Variants in NFILZ observed in about 807,000 individuals in gnomAD.
NFILZ encodes the protein NFIL3 like protein.
At chr19:8,653,322 C>G (rs1236076169) in intron 3 of NFILZ, among the ~76,000 whole-genome samples, 14 of 152,082 alleles carry the variant, frequency 9.2e-5, no homozygotes, top group Admixed American at 8.5e-4. Context: ...CTCAGTTGAT[C>G]TGCCCACCTT....
At chr19:8,631,919 C>T (rs1235682341) in intron 1 of NFILZ, among the ~76,000 whole-genome samples, 1 of 150,674 alleles carries the variant, frequency 6.6e-6, no homozygotes, top group African/African-American at 2.4e-5. Flanking sequence ...GCCCAGGCTG[C>T]AATGCAGTGG....
intron 3 of NFILZ, among the ~76,000 whole-genome samples, chr19:8,639,387 G>C (rs1357614853): frequency 6.6e-6 from 1 of 151,976 alleles, no homozygotes; most frequent in Non-Finnish European, 1.5e-5. Flanking sequence ...GACCAGCCTG[G>C]GCAACATAGC....
At chr19:8,639,640 T>C (rs1555746463) in intron 3 of NFILZ, among the ~76,000 whole-genome samples, 1 of 151,986 alleles carries the variant, frequency 6.6e-6, no homozygotes, top group Non-Finnish European at 1.5e-5. Flanking sequence ...ACTCAAGCTT[T>C]TACCCTGGGA....
rs1027667777 is a variant in NFILZ, at chr19:8,680,709, G to A, written c.*3074G>A. On this transcript the variant is annotated 3_prime_UTR_variant, in exon 6 of 6. Coordinates refer to ENST00000691075, the MANE Select transcript of NFILZ (RefSeq NM_001378600.1). ...GCTTGGGAAAGGTAGGTGTGGGTGCGTTGTAATAATTGAAATAGGGAGATC... is the reference window on the plus strand; with the variant it reads ...GCTTGGGAAAGGTAGGTGTGGGTGCATTGTAATAATTGAAATAGGGAGATC... Among the ~76,000 whole-genome samples the A allele has an allele frequency of 6.6e-5, 10 of 152,198 alleles. No homozygotes were observed. Among genetic ancestry groups the A allele is most frequent in the East Asian group, 1.9e-4 (1 of 5,196 alleles).
chr19:8,645,934 T>C (rs963485604), intron 3 of NFILZ, among the ~76,000 whole-genome samples: 5 of 152,182 alleles, frequency 3.3e-5, no homozygotes, highest in Non-Finnish European at 7.3e-5. Flanking sequence ...GTAATTGTGG[T>C]TTTTGCCATT....
intron 3 of NFILZ, among the ~76,000 whole-genome samples, chr19:8,645,222 C>T (rs782817199): frequency 5.3e-5 from 8 of 151,974 alleles, no homozygotes; most frequent in Non-Finnish European, 1.0e-4. Context: ...CAGCCTCAAA[C>T]TCCTGGGCTC....
intron 3 of NFILZ, among the ~76,000 whole-genome samples, chr19:8,654,662 G>T (rs2042984280): frequency 1.3e-5 from 2 of 152,136 alleles, no homozygotes; most frequent in South Asian, 4.1e-4. Context: ...AAAATTAAAA[G>T]AAAAAGAAAA....
At chr19:8,645,924 G>C (rs114302903) in intron 3 of NFILZ, among the ~76,000 whole-genome samples, 1,775 of 152,262 alleles carry the variant, frequency 0.012, 37 homozygotes, top group African/African-American at 0.041. Flanking sequence ...TGATGCAAAA[G>C]TAATTGTGGT....
chr19:8,647,793 GCGCACACA>G (rs1320957698), intron 3 of NFILZ, among the ~76,000 whole-genome samples: 1,748 of 69,426 alleles, frequency 0.025, 30 homozygotes, highest in African/African-American at 0.079. Flanking sequence ...GCGCGCGCGC[GCGCACACA>G]CACACACACA....
chr19:8,662,566 T>C (rs929659224), intron 3 of NFILZ, among the ~76,000 whole-genome samples: 1 of 151,438 alleles, frequency 6.6e-6, no homozygotes, highest in Non-Finnish European at 1.5e-5. Flanking sequence ...GTTGCAGTTG[T>C]CCAGTTACGT....
chr19:8,660,840 A>G (rs532619766), intron 3 of NFILZ, among the ~76,000 whole-genome samples: 55 of 150,428 alleles, frequency 3.7e-4, no homozygotes, highest in African/African-American at 1.3e-3. Context: ...GGGTTTCATC[A>G]TGTTGGCCAG....
At position 8,680,966 on chromosome 19, in the gene NFILZ, G is replaced by A. The variant is rs782607924; in HGVS notation, c.*3331G>A. On this transcript the variant is annotated 3_prime_UTR_variant, in exon 6 of 6. Coordinates refer to ENST00000691075, the MANE Select transcript of NFILZ (RefSeq NM_001378600.1). ...TAAGGGGGAGAGAGGGAGGAGGCGA[G>A]GGCAGGGAGGTGATGGAAGCAGGTT... 5.3e-5 allele frequency among the ~76,000 whole-genome samples: 8 copies of A among 152,052 alleles called. No homozygotes were observed. Among genetic ancestry groups the A allele is most frequent in the Non-Finnish European group, 7.4e-5 (5 of 68,024 alleles).
intron 3 of NFILZ, among the ~76,000 whole-genome samples, chr19:8,641,406 A>T (rs1169211705): frequency 6.6e-6 from 1 of 152,154 alleles, no homozygotes; most frequent in African/African-American, 2.4e-5. Context: ...GAATTCACCC[A>T]AATCTAAAGA....
At chr19:8,658,677 ATTC>A in intron 3 of NFILZ, among the ~76,000 whole-genome samples, 1 of 150,734 alleles carries the variant, frequency 6.6e-6, no homozygotes, top group Non-Finnish European at 1.5e-5. Context: ...TCATTCATTC[ATTC>A]ATTCATTCAT....
At position 8,679,324 on chromosome 19, in the gene NFILZ, G is replaced by T. The variant is rs1443020744; in HGVS notation, c.*1689G>T. ...TATTATTACATCAGGGATCTTGTTAGATTCTAGATAAAAATACTCAAACTC... is the reference window on the plus strand; with the variant it reads ...TATTATTACATCAGGGATCTTGTTATATTCTAGATAAAAATACTCAAACTC... On this transcript the variant is annotated 3_prime_UTR_variant, in exon 6 of 6. Transcript: ENST00000691075. 2.0e-5 allele frequency among the ~76,000 whole-genome samples: 3 copies of T among 151,070 alleles called. No homozygotes were observed. The East Asian group carries it at 5.8e-4, about 29-fold the overall frequency.
At chr19:8,666,939 A>C (rs1408171501) in intron 3 of NFILZ, among the ~76,000 whole-genome samples, 1 of 143,128 alleles carries the variant, frequency 7.0e-6, no homozygotes, top group Non-Finnish European at 1.5e-5. Context: ...TTGTAGAGAC[A>C]GGGTTTTGCC....
In NFILZ at chr19:8,679,214, G is replaced by A. The variant is rs1454262327; in HGVS notation, c.*1579G>A. Among the ~76,000 whole-genome samples, 1 of 152,070 alleles carries A rather than the reference G, an allele frequency of 6.6e-6. No individual in the cohort carries two copies. Among genetic ancestry groups the A allele is most frequent in the East Asian group, 1.9e-4 (1 of 5,196 alleles). On this transcript the variant is annotated 3_prime_UTR_variant, in exon 6 of 6. Coordinates refer to ENST00000691075, the MANE Select transcript of NFILZ (RefSeq NM_001378600.1). ...AGGGAAGGTCTTCCAGGGGCCTGGAGCCCAAGGACTTATCAAGGCTCCCTC... is the reference window on the plus strand; with the variant it reads ...AGGGAAGGTCTTCCAGGGGCCTGGAACCCAAGGACTTATCAAGGCTCCCTC...
rs944134898 is a variant in NFILZ at position 8,658,995 on chromosome 19, C to G, written c.-163-15556C>G. Among the ~76,000 whole-genome samples the G allele has an allele frequency of 1.4e-4, 21 of 151,506 alleles. 1 individual carries two copies. The highest frequency in any genetic ancestry group is 1.4e-3 in the Admixed American group (21 of 15,162). The stretch of plus-strand genomic sequence containing the variant: ...TTGCCGTGGCTCATGCCTGTAATCC[C>G]AGAACTTTGGGAGGCCAAGCTGGGT... On this transcript the variant is annotated intron_variant, in intron 3 of 5. Coordinates refer to ENST00000691075, the MANE Select transcript of NFILZ (RefSeq NM_001378600.1).
intron 3 of NFILZ, among the ~76,000 whole-genome samples, chr19:8,656,386 T>TTGTGCACAAAGCCAG (rs2042996985): frequency 2.9e-5 from 4 of 140,234 alleles, no homozygotes; most frequent in Non-Finnish European, 4.6e-5. Context: ...GAAGCCCACC[T>TTGTGCACAAAGCCAG]TCTCCCGCAG....
Sources: gnomAD v4.1 joint callset for allele counts (sites outside exome capture counted in the v4.1 genomes callset) on GRCh38, gnomAD v4.1.1 for gene constraint, MANE v1.5 for transcripts, NCBI Gene and HGNC (gene_info 2026-07-23, HGNC 2026-07-21) for gene names.